STARD13: variants seen among roughly 807,000 people sequenced by gnomAD.
STARD13 encodes the protein StAR related lipid transfer domain containing 13, also known as stAR-related lipid transfer protein 13.
A neutral mutation model predicts 106.4 loss-of-function variants in STARD13; 62 were observed. The observed-to-expected ratio is 0.58, with a 90% confidence interval of 0.48 to 0.72. The LOEUF (loss-of-function observed/expected upper bound fraction) is 0.72. STARD13 is among the 30% of genes least tolerant of loss of function. The pLI, the probability that STARD13 is intolerant of heterozygous loss-of-function variation, is 0.00. For missense variants in STARD13, 1,387 were observed against 1,424.0 expected, an observed-to-expected ratio of 0.97 and a Z score of 0.42; for synonymous variants, 565 against 553.0, an observed-to-expected ratio of 1.02 and a Z score of -0.31.
At chr13:33,281,307 A>G (rs1891767325) in intron 1 of STARD13, 1 of 152,156 alleles carries the variant, frequency 6.6e-6, no homozygotes, top group South Asian at 2.1e-4. Flanking sequence ...CTGTTTTCTA[A>G]GCATTTAAAA....
chr13:33,571,516 A>T, the STARD13 span, among the ~76,000 whole-genome samples: 1 of 152,110 alleles, frequency 6.6e-6, no homozygotes. Context: ...TAAGAGTCAG[A>T]GTGTTGGAAG....
At chr13:33,662,887 G>T in the STARD13 span, among the ~76,000 whole-genome samples, 1 of 152,136 alleles carries the variant, frequency 6.6e-6, no homozygotes. Context: ...AAAAAATTTG[G>T]TTTCCATAGC....
At chr13:33,229,899 A>G (rs1202758440) in intron 1 of STARD13, among the ~76,000 whole-genome samples, 2 of 152,192 alleles carry the variant, frequency 1.3e-5, no homozygotes, top group Non-Finnish European at 2.9e-5. Flanking sequence ...ATGGGTTCAC[A>G]ATTTGCAGGC....
At chr13:33,501,077 C>G in the STARD13 span, among the ~76,000 whole-genome samples, 2 of 126,976 alleles carry the variant, frequency 1.6e-5, no homozygotes, top group Non-Finnish European at 3.1e-5. Flanking sequence ...TTCTCTCTCT[C>G]CTTTTTTTTT....
At position 33,271,916 on chromosome 13, in the gene STARD13, G is replaced by A. The variant is rs148719183; in HGVS notation, c.169+13554C>T. 1.0e-3 allele frequency among the ~76,000 whole-genome samples: 159 copies of A among 152,182 alleles called. 1 individual carries two copies. The highest frequency in any genetic ancestry group is 5.2e-3 in the Admixed American group (80 of 15,278). Reference sequence around the variant, plus strand: ...ACAGGGTTGCACAGTCAAGAATAACGTGGGCTCCCAGATCGTCCAGACTTG... The same window carrying A: ...ACAGGGTTGCACAGTCAAGAATAACATGGGCTCCCAGATCGTCCAGACTTG... On this transcript the variant is annotated intron_variant, in intron 1 of 13. Transcript: ENST00000336934.
rs1555239917 is a variant in STARD13 at position 33,163,744 on chromosome 13, T to TAACATATATATATAA, written c.323+1578_323+1592dup. Among the ~76,000 whole-genome samples the TAACATATATATATAA allele has an allele frequency of 3.2e-4, 36 of 113,504 alleles. 1 individual carries two copies. Among genetic ancestry groups the TAACATATATATATAA allele is most frequent in the Non-Finnish European group, 6.8e-4 (33 of 48,362 alleles). The allele number at this position is 113,504 out of a possible 152,430, so 74.5% of individuals were successfully genotyped here. A position where few individuals can be genotyped will look rare whatever the true frequency, so the allele number is the denominator to read the frequency against. ...ATAACATATATAAAACATATATATA[T>TAACATATATATATAA]AACATATATATATAACATATATATA... On this transcript the variant is annotated intron_variant, in intron 3 of 13. Transcript: ENST00000336934.
the STARD13 span, among the ~76,000 whole-genome samples, chr13:33,401,809 G>C: frequency 2.0e-5 from 3 of 152,276 alleles, no homozygotes; most frequent in East Asian, 5.8e-4. Flanking sequence ...TGGCCAACAA[G>C]GCCCACAGGT....
intron 1 of STARD13, among the ~76,000 whole-genome samples, chr13:33,175,231 G>A (rs1298564504): frequency 1.3e-5 from 2 of 152,080 alleles, no homozygotes; most frequent in African/African-American, 4.8e-5. Flanking sequence ...CCAATCAGGC[G>A]CTTGTGGTAT....
chr13:33,217,942 T>A (rs972125046), intron 1 of STARD13, among the ~76,000 whole-genome samples: 2 of 151,806 alleles, frequency 1.3e-5, no homozygotes. Flanking sequence ...GAACATTTAC[T>A]GAGTGTCTAC....
intron 1 of STARD13, among the ~76,000 whole-genome samples, chr13:33,341,355 A>C (rs1482190238): frequency 6.6e-6 from 1 of 152,140 alleles, no homozygotes; most frequent in Non-Finnish European, 1.5e-5. Context: ...ATTTCCGTGA[A>C]CGGCATGGCG....
At chr13:33,606,574 T>C in the STARD13 span, among the ~76,000 whole-genome samples, 1 of 152,222 alleles carries the variant, frequency 6.6e-6, no homozygotes, top group Admixed American at 6.5e-5. Flanking sequence ...TTTAAGGCTG[T>C]CTACTTTCTA....
chr13:33,266,992 C>A (rs1032585078), intron 1 of STARD13, among the ~76,000 whole-genome samples: 6 of 152,300 alleles, frequency 3.9e-5, no homozygotes, highest in Admixed American at 6.5e-5. Context: ...GAAATGTAGT[C>A]TCTCTTAAAT....
chr13:33,154,323 T>C, intron 3 of STARD13, among the ~76,000 whole-genome samples: 1 of 152,172 alleles, frequency 6.6e-6, no homozygotes, highest in Non-Finnish European at 1.5e-5. Flanking sequence ...GCAGCAGGAA[T>C]ACTGACCTCT....
At chr13:33,188,652 C>T (rs749813447) in intron 1 of STARD13, among the ~76,000 whole-genome samples, 1 of 152,320 alleles carries the variant, frequency 6.6e-6, no homozygotes, top group African/African-American at 2.4e-5. Flanking sequence ...TCAATTTTCT[C>T]CCCGAAATAA....
chr13:33,199,135 G>A (rs1003596157), intron 1 of STARD13, among the ~76,000 whole-genome samples: 4 of 152,164 alleles, frequency 2.6e-5, no homozygotes, highest in African/African-American at 9.7e-5. Context: ...ACTGAAATCT[G>A]TTGATGTTTC....
At chr13:33,332,653 T>G (rs932777039) in intron 1 of STARD13, among the ~76,000 whole-genome samples, 4 of 152,218 alleles carry the variant, frequency 2.6e-5, no homozygotes, top group African/African-American at 9.6e-5. Context: ...TATGATATTC[T>G]GTCAGAGCAG....
chr13:33,367,668 CT>C, the STARD13 span, among the ~76,000 whole-genome samples: 3 of 151,580 alleles, frequency 2.0e-5, no homozygotes, highest in Non-Finnish European at 2.9e-5. Context: ...TGCTTTCATC[CT>C]CATCAGAAAA....
the STARD13 span, among the ~76,000 whole-genome samples, chr13:33,454,794 G>A: frequency 6.6e-6 from 1 of 152,208 alleles, no homozygotes. Flanking sequence ...AGGGGAGCAA[G>A]GCCAGATTAG....
chr13:33,525,102 G>A, the STARD13 span, among the ~76,000 whole-genome samples: 2 of 151,814 alleles, frequency 1.3e-5, no homozygotes, highest in Admixed American at 6.6e-5. Flanking sequence ...GCTCACTGAA[G>A]CCTTAAACTC....
Sources: allele counts gnomAD v4.1 joint callset (sites outside exome capture counted in the v4.1 genomes callset), GRCh38; gene constraint gnomAD v4.1.1; transcripts MANE v1.5; gene names NCBI Gene and HGNC (gene_info 2026-07-23, HGNC 2026-07-21).